The following GRIP1 variants were observed in gnomAD, a reference collection of about 807,000 sequenced individuals.
The protein encoded by GRIP1 is glutamate receptor-interacting protein 1.
In GRIP1, 45 loss-of-function variants were observed where a neutral mutation model predicts 129.9. The ratio of observed to expected loss-of-function variants is 0.35; its 90% confidence interval spans 0.27 to 0.44. The LOEUF is 0.44. GRIP1 is among the 20% of genes least tolerant of loss of function. The pLI, the probability that GRIP1 is intolerant of heterozygous loss-of-function variation, is 1.00. For synonymous variants in GRIP1, 530 were observed against 520.8 expected (o/e 1.02, Z -0.24); for missense variants, 1,196 against 1,396.8 (o/e 0.86, Z 2.29).
chr12:66,676,920 C>T (rs983690481), intron 1 of GRIP1, among the ~76,000 whole-genome samples: 10 of 152,152 alleles, frequency 6.6e-5, no homozygotes, highest in Admixed American at 4.6e-4. Flanking sequence ...GGAACTTGAA[C>T]GTTGTTGGAC....
intron 1 of GRIP1, among the ~76,000 whole-genome samples, chr12:66,815,876 C>CTG (rs2039208985): frequency 6.6e-6 from 1 of 151,234 alleles, no homozygotes; most frequent in Non-Finnish European, 1.5e-5. Flanking sequence ...CTCTCTCTCT[C>CTG]TCTCTTTCTT....
At chr12:66,557,078 A>G (rs1434229755) in intron 2 of GRIP1, among the ~76,000 whole-genome samples, 1 of 152,122 alleles carries the variant, frequency 6.6e-6, no homozygotes, top group Non-Finnish European at 1.5e-5. Flanking sequence ...TGTTGTCTAT[A>G]AGAAACACAC....
At chr12:66,974,604 G>A (rs73132100) in intron 1 of GRIP1, among the ~76,000 whole-genome samples, 15,505 of 152,138 alleles carry the variant, frequency 0.1, 882 homozygotes, top group African/African-American at 0.14. Context: ...TTGTTCTCTG[G>A]AATTTTTAAA....
upstream of GRIP1, among the ~76,000 whole-genome samples, chr12:66,804,986 T>G (rs759579288): frequency 3.3e-4 from 50 of 152,180 alleles, no homozygotes; most frequent in Non-Finnish European, 5.0e-4. Flanking sequence ...AATCACTGTT[T>G]GATTTAAATA....
At chr12:66,733,024 A>C (rs985343015) in intron 1 of GRIP1, among the ~76,000 whole-genome samples, 8 of 152,132 alleles carry the variant, frequency 5.3e-5, no homozygotes, top group African/African-American at 1.9e-4. Context: ...ATGACTTTCT[A>C]TGTTTTTTAA....
At chr12:67,017,649 C>T (rs891117093) in intron 1 of GRIP1, among the ~76,000 whole-genome samples, 2 of 152,102 alleles carry the variant, frequency 1.3e-5, no homozygotes, top group African/African-American at 4.8e-5. Flanking sequence ...CAAGAGAATG[C>T]ACTGGAAGTA....
At chr12:66,509,745 G>A (rs138826816) in intron 7 of GRIP1, among the ~76,000 whole-genome samples, 188 of 152,216 alleles carry the variant, frequency 1.2e-3, no homozygotes, top group Non-Finnish European at 1.6e-3. Context: ...AGAGATGAAT[G>A]ATGAGAACAC....
chr12:66,995,091 G>GA (rs1454554157), intron 1 of GRIP1, among the ~76,000 whole-genome samples: 1 of 151,116 alleles, frequency 6.6e-6, no homozygotes, highest in Admixed American at 6.6e-5. Context: ...TCTCAATGGG[G>GA]AAAAAACAGT....
chr12:66,676,167 C>T (rs1411399288), intron 1 of GRIP1, among the ~76,000 whole-genome samples: 1 of 151,996 alleles, frequency 6.6e-6, no homozygotes, highest in Admixed American at 6.6e-5. Context: ...ATTGTCCCAG[C>T]CCAGAATTCT....
chr12:66,736,364 T>TAGGA (rs1454230525), intron 1 of GRIP1, among the ~76,000 whole-genome samples: 2 of 47,884 alleles, frequency 4.2e-5, no homozygotes, highest in South Asian at 7.3e-4. Flanking sequence ...TTTTTTTTTT[T>TAGGA]TTTTTTTTTT....
chr12:66,982,470 C>T (rs183144887), intron 1 of GRIP1, among the ~76,000 whole-genome samples: 1 of 152,278 alleles, frequency 6.6e-6, no homozygotes, highest in East Asian at 1.9e-4. Flanking sequence ...CAAGCTTAGG[C>T]TGAAATAAAC....
chr12:66,356,769 A>G (rs1415003959), intron 23 of GRIP1, among the ~76,000 whole-genome samples: 1 of 152,170 alleles, frequency 6.6e-6, no homozygotes, highest in Non-Finnish European at 1.5e-5. Flanking sequence ...CATAAACTCC[A>G]CATCATTAAT....
intron 1 of GRIP1, among the ~76,000 whole-genome samples, chr12:66,730,926 T>C (rs1336754361): frequency 6.6e-6 from 1 of 152,186 alleles, no homozygotes; most frequent in African/African-American, 2.4e-5. Flanking sequence ...GAATATTCTG[T>C]ATTCTTGGGA....
intron 22 of GRIP1, among the ~76,000 whole-genome samples, chr12:66,372,573 G>A (rs2055570150): frequency 6.6e-6 from 1 of 152,154 alleles, no homozygotes; most frequent in East Asian, 1.9e-4. Context: ...AAGATCCTCA[G>A]AGAAAGTAAA....
At chr12:66,708,205 A>T (rs1241966471) in intron 1 of GRIP1, among the ~76,000 whole-genome samples, 1 of 152,008 alleles carries the variant, frequency 6.6e-6, no homozygotes, top group African/African-American at 2.4e-5. Context: ...TGCACACAGT[A>T]GGGAGAATGG....
chr12:66,535,371 AAC>A (rs1410933677), intron 4 of GRIP1, among the ~76,000 whole-genome samples: 3 of 152,160 alleles, frequency 2.0e-5, no homozygotes, highest in South Asian at 2.1e-4. Context: ...TAAAAAAAAA[AAC>A]ACAGTACTTT....
intron 1 of GRIP1, among the ~76,000 whole-genome samples, chr12:66,982,701 T>G (rs2042256379): frequency 6.6e-6 from 1 of 152,170 alleles, no homozygotes; most frequent in African/African-American, 2.4e-5. Flanking sequence ...TCACCCCCAG[T>G]CAAGTCTTCA....
intron 5 of GRIP1, among the ~76,000 whole-genome samples, chr12:66,522,854 G>A (rs1435126046): frequency 2.6e-5 from 4 of 152,264 alleles, no homozygotes; most frequent in African/African-American, 7.2e-5. Flanking sequence ...GGAGCTGAAA[G>A]CCAAGGCTTG....
intron 1 of GRIP1, among the ~76,000 whole-genome samples, chr12:67,003,419 T>G (rs376631948): frequency 6.6e-6 from 1 of 152,140 alleles, no homozygotes; most frequent in African/African-American, 2.4e-5. Flanking sequence ...TGGCCAGGTG[T>G]GGTGGCTCAT....
Sources: allele counts gnomAD v4.1 joint callset (sites outside exome capture counted in the v4.1 genomes callset), GRCh38; gene constraint gnomAD v4.1.1; transcripts MANE v1.5; gene names NCBI Gene and HGNC (gene_info 2026-07-23, HGNC 2026-07-21).